Variants in TRPM3 observed in about 807,000 individuals in gnomAD.
TRPM3 encodes long transient receptor potential channel 3.
A neutral mutation model predicts 181.2 loss-of-function variants in TRPM3; 77 were observed. The observed-to-expected ratio is 0.42, with a 90% CI of 0.35 to 0.51. TRPM3 has a LOEUF of 0.51. Among genes scored for constraint, TRPM3 ranks in the 20% least tolerant of loss-of-function variants. TRPM3 has a pLI of 0.01. For synonymous variants in TRPM3, 745 were observed against 796.4 expected (o/e 0.94, Z 1.09); for missense variants, 1,759 against 2,196.7 (o/e 0.80, Z 3.98).
At chr9:70,676,457 A>G (rs2064032099) in intron 9 of TRPM3, among the ~76,000 whole-genome samples, 1 of 152,150 alleles carries the variant, frequency 6.6e-6, no homozygotes, top group Non-Finnish European at 1.5e-5. Context: ...CAAGAGGTTT[A>G]TGCTGATGTA....
intron 1 of TRPM3, among the ~76,000 whole-genome samples, chr9:70,925,718 T>C (rs2096714525): frequency 6.6e-6 from 1 of 152,030 alleles, no homozygotes; most frequent in Non-Finnish European, 1.5e-5. Context: ...TTTTCCAAAA[T>C]AATTTGATAT....
chr9:71,171,442 C>T (rs1344443979), intron 1 of TRPM3, among the ~76,000 whole-genome samples: 3 of 152,124 alleles, frequency 2.0e-5, no homozygotes, highest in Admixed American at 6.6e-5. Flanking sequence ...CCCGAACACC[C>T]GGCTTTAAAA....
intron 1 of TRPM3, among the ~76,000 whole-genome samples, chr9:71,290,193 T>A (rs561753000): frequency 6.6e-6 from 1 of 152,052 alleles, no homozygotes; most frequent in Non-Finnish European, 1.5e-5. Context: ...CGTGAAAAGG[T>A]AATGTGACGC....
At chr9:70,934,904 T>C (rs1448622634) in intron 1 of TRPM3, among the ~76,000 whole-genome samples, 1 of 152,090 alleles carries the variant, frequency 6.6e-6, no homozygotes, top group East Asian at 1.9e-4. Context: ...CCACAAAAAA[T>C]GATTGGGTAT....
At chr9:71,368,672 G>A (rs2092416463) in intron 1 of TRPM3, among the ~76,000 whole-genome samples, 1 of 152,206 alleles carries the variant, frequency 6.6e-6, no homozygotes, top group Non-Finnish European at 1.5e-5. Context: ...TTACTAGTCT[G>A]AAATGTTTGC....
At chr9:70,641,969 G>C (rs1228991952) in intron 9 of TRPM3, among the ~76,000 whole-genome samples, 1 of 152,202 alleles carries the variant, frequency 6.6e-6, no homozygotes, top group Non-Finnish European at 1.5e-5. Context: ...AGACTGAAAT[G>C]AGATTGTATA....
intron 1 of TRPM3, among the ~76,000 whole-genome samples, chr9:71,357,341 G>C (rs1482297062): frequency 2.6e-5 from 4 of 152,130 alleles, no homozygotes; most frequent in African/African-American, 4.8e-5. Context: ...TTCCTAAAAA[G>C]CATGTTCACA....
At chr9:70,537,642 T>C (rs960875986) in intron 25 of TRPM3, among the ~76,000 whole-genome samples, 3 of 152,218 alleles carry the variant, frequency 2.0e-5, no homozygotes, top group African/African-American at 7.2e-5. Flanking sequence ...CCAATGATTT[T>C]TTATTGTTTT....
At chr9:70,841,524 G>A (rs2094624383) in intron 5 of TRPM3, among the ~76,000 whole-genome samples, 1 of 148,790 alleles carries the variant, frequency 6.7e-6, no homozygotes, top group African/African-American at 2.5e-5. Flanking sequence ...AAAGACACCT[G>A]CACTTATATA....
At chr9:71,439,436 T>TG (rs1330887281) in intron 1 of TRPM3, among the ~76,000 whole-genome samples, 2 of 152,206 alleles carry the variant, frequency 1.3e-5, no homozygotes, top group African/African-American at 2.4e-5. Flanking sequence ...TAAGTCATCC[T>TG]GGGGGGCAGG....
intron 1 of TRPM3, among the ~76,000 whole-genome samples, chr9:70,865,030 C>T (rs538142239): frequency 8.2e-6 from 1 of 122,450 alleles, no homozygotes; most frequent in Non-Finnish European, 1.6e-5. Context: ...ATTAACAGTG[C>T]TAAGTACAGG....
At chr9:71,248,131 A>G (rs2082141254) in intron 1 of TRPM3, among the ~76,000 whole-genome samples, 2 of 152,372 alleles carry the variant, frequency 1.3e-5, no homozygotes, top group Middle Eastern at 3.4e-3. Flanking sequence ...AACGTAAGGC[A>G]TCAGAAATTA....
Position 70,529,189 on chromosome 9 carries a change from G to T in TRPM3, c.*6764C>A, listed in dbSNP as rs993366098. 6.6e-6 allele frequency: 1 copy of T among 152,146 alleles called. No homozygotes were observed. The highest frequency in any genetic ancestry group is 1.9e-4 in the East Asian group (1 of 5,180). 9.4% of individuals were successfully genotyped at this position (152,146 alleles called of 1,614,324 possible). On this transcript the variant is annotated 3_prime_UTR_variant, in exon 26 of 26. Transcript: ENST00000677713. ...ATATCTAAACAATCAAACTCAAAGT[G>T]CATTGTGAATCCAATAATAGACCTT...
chr9:71,302,040 C>T (rs2086825224), intron 1 of TRPM3, among the ~76,000 whole-genome samples: 1 of 151,994 alleles, frequency 6.6e-6, no homozygotes, highest in African/African-American at 2.4e-5. Context: ...ATTTCCATAG[C>T]TTTGGGAATA....
At chr9:70,801,357 G>A (rs17055851) in intron 6 of TRPM3, among the ~76,000 whole-genome samples, 12,486 of 152,108 alleles carry the variant, frequency 0.082, 590 homozygotes, top group East Asian at 0.11. Context: ...TTCTCGCTCC[G>A]TCTAAATCAC....
chr9:70,744,147 G>A (rs2074692953), intron 8 of TRPM3, among the ~76,000 whole-genome samples: 1 of 151,962 alleles, frequency 6.6e-6, no homozygotes, highest in African/African-American at 2.4e-5. Context: ...GGACAACATG[G>A]TGAAACCCCG....
Position 70,621,267 on chromosome 9 carries a change from C to T in TRPM3, c.1816G>A (p.Ala606Thr). The T allele has an allele frequency of 6.3e-7, 1 of 1,599,166 alleles. No individual in the cohort carries two copies. Among genetic ancestry groups the T allele is most frequent in the Non-Finnish European group, 8.5e-7 (1 of 1,172,840 alleles). Residue 606 changes from alanine (A) to threonine (T), a missense_variant, in exon 15 of 26, where the codon GCC (alanine) becomes ACC (threonine). Ala to Thr is a moderately conservative substitution (Grantham distance 58). This residue lies in a region of TRPM3 where 737 missense variants were observed against 957.4 expected (regional missense o/e 0.77). Coordinates refer to ENST00000677713, the MANE Select transcript of TRPM3 (RefSeq NM_001366145.2). Reference protein sequence around the residue: ...HNLFGPKRPKALKLLGMEDDI... With the variant: ...HNLFGPKRPKTLKLLGMEDDI... ...ACCTCCATTCCCAGCAGTTTCAAGG[C>T]TTTGGGCTGTTAAAAAAAACGTTGT...
upstream of TRPM3, among the ~76,000 whole-genome samples, chr9:71,124,802 C>T (rs1228782957): frequency 3.3e-5 from 5 of 152,244 alleles, no homozygotes; most frequent in East Asian, 9.7e-4. Flanking sequence ...AAGGAGCTGA[C>T]CCATGAAAAC....
intron 5 of TRPM3, among the ~76,000 whole-genome samples, chr9:70,837,495 T>G (rs905002853): frequency 6.6e-6 from 1 of 152,214 alleles, no homozygotes; most frequent in Non-Finnish European, 1.5e-5. Flanking sequence ...CAAGTTAAAA[T>G]GGAAAGTGCT....
Sources: allele counts gnomAD v4.1 joint callset (sites outside exome capture counted in the v4.1 genomes callset), GRCh38; gene constraint gnomAD v4.1.1; regional missense constraint gnomAD v4.1.1; transcripts MANE v1.5; gene names NCBI Gene and HGNC (gene_info 2026-07-23, HGNC 2026-07-21).